Variants in CDH13 observed in about 807,000 individuals in gnomAD.
CDH13 encodes the protein cadherin 13.
CDH13 carries 24 observed loss-of-function variants against 63.8 expected under a neutral mutation model. The ratio of observed to expected loss-of-function variants is 0.38; its 90% CI spans 0.27 to 0.53. The LOEUF (loss-of-function observed/expected upper bound fraction) is 0.53, where lower values mean the gene tolerates loss of function less well. Ranked by LOEUF, CDH13 falls within the 20% of genes least tolerant of loss-of-function variation. The pLI, the probability that CDH13 is intolerant of heterozygous loss-of-function variation, is 0.85. For synonymous variants in CDH13, 503 were observed against 355.3 expected (o/e 1.42, Z -4.67); for missense variants, 1,049 against 903.1 (o/e 1.16, Z -2.07).
intron 2 of CDH13, among the ~76,000 whole-genome samples, chr16:82,989,541 A>G (rs752016095): frequency 2.0e-4 from 30 of 152,118 alleles, no homozygotes; most frequent in African/African-American, 5.6e-4. Flanking sequence ...AGTCATGTCA[A>G]TTTTCTTGTT....
At chr16:83,284,162 A>C (rs1184368360) in intron 5 of CDH13, among the ~76,000 whole-genome samples, 1 of 152,116 alleles carries the variant, frequency 6.6e-6, no homozygotes, top group Non-Finnish European at 1.5e-5. Context: ...TCATTCATGA[A>C]GTTGTTAGTT....
intron 1 of CDH13, among the ~76,000 whole-genome samples, chr16:82,808,592 C>A (rs10438636): frequency 0.53 from 80,507 of 151,964 alleles, 21,971 homozygotes; most frequent in African/African-American, 0.63. Flanking sequence ...TCTGCCCTTG[C>A]AGTATAAAAA....
intron 1 of CDH13, among the ~76,000 whole-genome samples, chr16:82,769,572 C>G (rs565176051): frequency 6.6e-6 from 1 of 152,298 alleles, no homozygotes; most frequent in East Asian, 1.9e-4. Context: ...ACGTTTATGT[C>G]TCCTGATGCC....
At chr16:83,208,214 C>T (rs1372429913) in intron 4 of CDH13, among the ~76,000 whole-genome samples, 8 of 152,248 alleles carry the variant, frequency 5.3e-5, no homozygotes, top group African/African-American at 1.9e-4. Flanking sequence ...TATGGGGACT[C>T]TTGGCCATGA....
At chr16:83,433,937 T>A (rs1598010398) in intron 6 of CDH13, among the ~76,000 whole-genome samples, 1 of 152,314 alleles carries the variant, frequency 6.6e-6, no homozygotes, top group South Asian at 2.1e-4. Context: ...GTATTTCCTT[T>A]GCGTTGGGGG....
At chr16:83,159,026 A>G (rs1174093547) in intron 4 of CDH13, among the ~76,000 whole-genome samples, 2 of 151,984 alleles carry the variant, frequency 1.3e-5, no homozygotes, top group Non-Finnish European at 2.9e-5. Flanking sequence ...ATTTTCACTC[A>G]CAATTCCTAC....
chr16:83,420,424 A>G (rs888345539), intron 6 of CDH13, among the ~76,000 whole-genome samples: 31 of 152,318 alleles, frequency 2.0e-4, no homozygotes, highest in Middle Eastern at 3.4e-3. Flanking sequence ...ACAGCTCCCT[A>G]GAAAGCTTTT....
intron 1 of CDH13, among the ~76,000 whole-genome samples, chr16:82,811,079 T>C (rs555240263): frequency 1.3e-5 from 2 of 152,184 alleles, no homozygotes; most frequent in Non-Finnish European, 2.9e-5. Flanking sequence ...ATACCATATT[T>C]ATACTATATC....
chr16:83,762,259 A>G (rs1283558461), intron 11 of CDH13, among the ~76,000 whole-genome samples: 1 of 152,156 alleles, frequency 6.6e-6, no homozygotes, highest in African/African-American at 2.4e-5. Context: ...TTAGAGATGA[A>G]TATCGTCATT....
chr16:83,168,196 A>C (rs757022846), intron 4 of CDH13, among the ~76,000 whole-genome samples: 1 of 152,026 alleles, frequency 6.6e-6, no homozygotes, highest in Non-Finnish European at 1.5e-5. Context: ...TCTAAAACGA[A>C]AGTTGAAATT....
At chr16:83,583,538 G>A (rs978954628) in intron 7 of CDH13, among the ~76,000 whole-genome samples, 15 of 152,188 alleles carry the variant, frequency 9.9e-5, no homozygotes, top group Admixed American at 3.9e-4. Flanking sequence ...ACGATGTATA[G>A]GGATTATCCC....
chr16:83,058,585 T>A (rs1044934878), intron 3 of CDH13, among the ~76,000 whole-genome samples: 13 of 152,070 alleles, frequency 8.5e-5, no homozygotes, highest in Admixed American at 7.9e-4. Flanking sequence ...TAGGGGCCAA[T>A]CTCCACTCCT....
At chr16:83,487,408 G>A (rs1256208610) in intron 7 of CDH13, among the ~76,000 whole-genome samples, 2 of 152,138 alleles carry the variant, frequency 1.3e-5, no homozygotes, top group South Asian at 4.1e-4. Context: ...GTGGTGTGAG[G>A]TGTGATGCTC....
intron 8 of CDH13, among the ~76,000 whole-genome samples, chr16:83,645,474 G>C (rs181738375): frequency 7.9e-5 from 12 of 152,196 alleles, no homozygotes; most frequent in Middle Eastern, 3.4e-3. Context: ...TTGGGTAATA[G>C]GTGTGCTAGA....
In CDH13 at chr16:82,789,737, C is replaced by A. The variant is rs186816810; in HGVS notation, c.46-68625C>A. Among the ~76,000 whole-genome samples, 14 of 152,278 alleles carry A rather than the reference C, an allele frequency of 9.2e-5. No homozygotes were observed. The East Asian group carries it at 2.7e-3, about 29-fold the overall frequency. ...CTATTTTTACACAGTGTGAAGTCCACAGGTCTGAATAATTTCTTCTTGCTC... is the reference window on the plus strand; with the variant it reads ...CTATTTTTACACAGTGTGAAGTCCAAAGGTCTGAATAATTTCTTCTTGCTC... On this transcript the variant is annotated intron_variant, in intron 1 of 13. Coordinates refer to ENST00000567109, the MANE Select transcript of CDH13 (RefSeq NM_001257.5).
chr16:82,994,301 T>C (rs1457688023), intron 2 of CDH13, among the ~76,000 whole-genome samples: 1 of 152,190 alleles, frequency 6.6e-6, no homozygotes, highest in Non-Finnish European at 1.5e-5. Context: ...CTCCTCATCC[T>C]GACTTAGTAC....
chr16:82,807,014 C>A (rs140949681), intron 1 of CDH13, among the ~76,000 whole-genome samples: 1 of 151,626 alleles, frequency 6.6e-6, no homozygotes, highest in Admixed American at 6.6e-5. Context: ...GAAAGTAAGA[C>A]TGATAAGGTT....
At chr16:82,967,358 A>G (rs975861799) in intron 2 of CDH13, among the ~76,000 whole-genome samples, 2 of 152,160 alleles carry the variant, frequency 1.3e-5, no homozygotes, top group Non-Finnish European at 2.9e-5. Context: ...AACAAATTCT[A>G]TAATGATTTT....
At chr16:82,777,112 AGTTT>A (rs978722184) in intron 1 of CDH13, among the ~76,000 whole-genome samples, 19 of 151,960 alleles carry the variant, frequency 1.3e-4, no homozygotes, top group South Asian at 4.2e-4. Flanking sequence ...CACCTGGCTG[AGTTT>A]GTTTGTTTGT....
Sources: allele counts gnomAD v4.1 joint callset (sites outside exome capture counted in the v4.1 genomes callset), GRCh38; gene constraint gnomAD v4.1.1; transcripts MANE v1.5; gene names NCBI Gene and HGNC (gene_info 2026-07-23, HGNC 2026-07-21).